The following WASF3 variants were observed in gnomAD, a reference collection of about 807,000 sequenced individuals.
WASF3 encodes the protein WASP family member 3, also known as actin-binding protein WASF3.
Under a neutral mutation model 46.6 loss-of-function variants are expected in WASF3, and 11 were observed. The ratio of observed to expected loss-of-function variants is 0.24; its 90% CI spans 0.15 to 0.39. The LOEUF (loss-of-function observed/expected upper bound fraction) is 0.39. Ranked by LOEUF, WASF3 falls within the 10% of genes least tolerant of loss-of-function variation. WASF3 has a pLI of 1.00. For synonymous variants in WASF3, 242 were observed against 259.7 expected (o/e 0.93, Z 0.65); for missense variants, 576 against 669.8 (o/e 0.86, Z 1.55).
At chr13:26,615,404 G>C (rs1881101585) in intron 2 of WASF3, among the ~76,000 whole-genome samples, 1 of 152,158 alleles carries the variant, frequency 6.6e-6, no homozygotes, top group South Asian at 2.1e-4. Context: ...TGACTCCCTG[G>C]TTCAAGCGAT....
chr13:26,660,878 C>A (rs1324354679), intron 3 of WASF3, among the ~76,000 whole-genome samples: 4 of 152,124 alleles, frequency 2.6e-5, no homozygotes, highest in Non-Finnish European at 5.9e-5. Flanking sequence ...CGAGCATCTG[C>A]TTCTGGTGAG....
chr13:26,660,366 C>A (rs1882595314), intron 3 of WASF3, among the ~76,000 whole-genome samples: 1 of 151,974 alleles, frequency 6.6e-6, no homozygotes, highest in Non-Finnish European at 1.5e-5. Flanking sequence ...CACCTGCAGG[C>A]TCTTGGCAGG....
At chr13:26,672,036 G>C in intron 6 of WASF3, 47 bp downstream of exon 6, 1 of 1,364,886 alleles carries the variant, frequency 7.3e-7, no homozygotes, top group Non-Finnish European at 1.0e-6. Flanking sequence ...GTTCAAAGGA[G>C]ATTCTTGTTT....
chr13:26,645,085 A>G (rs1882110650), intron 3 of WASF3, among the ~76,000 whole-genome samples: 1 of 152,224 alleles, frequency 6.6e-6, no homozygotes, highest in Non-Finnish European at 1.5e-5. Context: ...ACTGAGTGCA[A>G]TGAACTGAAT....
intron 1 of WASF3, among the ~76,000 whole-genome samples, chr13:26,611,746 C>T (rs1036777159): frequency 6.6e-6 from 1 of 151,934 alleles, no homozygotes; most frequent in African/African-American, 2.4e-5. Context: ...TACAGCTGCT[C>T]TGAAGGAAGA....
At chr13:26,674,708 T>C (rs1223038754) in intron 6 of WASF3, among the ~76,000 whole-genome samples, 1 of 152,220 alleles carries the variant, frequency 6.6e-6, no homozygotes, top group Non-Finnish European at 1.5e-5. Context: ...CTGTTGCTCT[T>C]ACAATACTGC....
At chr13:26,539,732 T>C in the WASF3 span, among the ~76,000 whole-genome samples, 1 of 152,236 alleles carries the variant, frequency 6.6e-6, no homozygotes, top group South Asian at 2.1e-4. Flanking sequence ...TCTTTCTGAA[T>C]CTGACCAGGT....
At chr13:26,683,778 A>C (rs1883317923) in intron 9 of WASF3, among the ~76,000 whole-genome samples, 1 of 152,112 alleles carries the variant, frequency 6.6e-6, no homozygotes, top group African/African-American at 2.4e-5. Flanking sequence ...CACAAAACAC[A>C]TGGAAACAGA....
intron 1 of WASF3, among the ~76,000 whole-genome samples, chr13:26,578,042 TGTG>T (rs1338055112): frequency 6.6e-6 from 1 of 152,240 alleles, no homozygotes; most frequent in Admixed American, 6.5e-5. Flanking sequence ...GATCATAAAA[TGTG>T]GTAATCATGA....
At chr13:26,570,131 C>CA (rs1203296206) in intron 1 of WASF3, among the ~76,000 whole-genome samples, 1 of 151,938 alleles carries the variant, frequency 6.6e-6, no homozygotes, top group African/African-American at 2.4e-5. Flanking sequence ...ACTAAAATTA[C>CA]AAAAAAATTA....
chr13:26,675,997 G>A (rs138994593), intron 6 of WASF3, among the ~76,000 whole-genome samples: 55 of 152,302 alleles, frequency 3.6e-4, no homozygotes, highest in African/African-American at 1.2e-3. Context: ...TGGCCAAGTA[G>A]GGCTAGAGGA....
intron 1 of WASF3, among the ~76,000 whole-genome samples, chr13:26,582,367 G>T (rs1324602117): frequency 6.6e-6 from 1 of 151,850 alleles, no homozygotes; most frequent in East Asian, 1.9e-4. Context: ...TGTGATCCTT[G>T]ATTTCCTAAT....
chr13:26,606,216 A>G (rs1880791038), intron 1 of WASF3, among the ~76,000 whole-genome samples: 1 of 152,208 alleles, frequency 6.6e-6, no homozygotes, highest in Non-Finnish European at 1.5e-5. Context: ...AGTTTTCTGT[A>G]GCCTCACAGG....
rs767613848 is a variant in WASF3 at position 26,673,507 on chromosome 13, C to T, written c.540+1518C>T. ...AGGCCTTAAATAATCATGCAGCCCT[C>T]GGAAATGCAGAAAGAGGGAGAGAAG... On this transcript the variant is annotated intron_variant, in intron 6 of 9. Coordinates refer to ENST00000335327, the MANE Select transcript of WASF3 (RefSeq NM_006646.6). Among the ~76,000 whole-genome samples the T allele has an allele frequency of 1.5e-4, 23 of 152,056 alleles. 1 individual carries two copies. The highest frequency in any genetic ancestry group is 1.3e-4 in the Non-Finnish European group (9 of 68,030).
At chr13:26,627,910 AATAAAAT>A (rs1881521528) in intron 2 of WASF3, among the ~76,000 whole-genome samples, 1 of 150,062 alleles carries the variant, frequency 6.7e-6, no homozygotes, top group African/African-American at 2.5e-5. Context: ...AAACCCTAAA[AATAAAAT>A]AAAATAAAAT....
chr13:26,635,995 C>T (rs888795084), intron 2 of WASF3, among the ~76,000 whole-genome samples: 3 of 152,228 alleles, frequency 2.0e-5, no homozygotes, highest in Admixed American at 6.5e-5. Flanking sequence ...GCAGTCTGTC[C>T]GTTCTCAGAG....
Position 26,678,524 on chromosome 13 carries a change from G to A in WASF3, c.716+1800G>A, listed in dbSNP as rs777750693. Among the ~76,000 whole-genome samples the A allele has an allele frequency of 4.7e-4, 71 of 151,040 alleles. 1 individual carries two copies. The highest frequency in any genetic ancestry group is 7.3e-4 in the Admixed American group (11 of 15,148). On this transcript the variant is annotated intron_variant, in intron 7 of 9. Coordinates refer to ENST00000335327, the MANE Select transcript of WASF3 (RefSeq NM_006646.6). The stretch of plus-strand genomic sequence containing the variant: ...TATCCCATGTTTTAGGTATTATTTC[G>A]CAACATGATTTTTAATGATTGTATC...
At chr13:26,614,972 C>T (rs534149323) in intron 2 of WASF3, among the ~76,000 whole-genome samples, 1 of 151,890 alleles carries the variant, frequency 6.6e-6, no homozygotes, top group East Asian at 2.0e-4. Flanking sequence ...AGGTGGCACA[C>T]TCTGATTAGC....
chr13:26,601,876 A>G (rs1315679717), intron 1 of WASF3, among the ~76,000 whole-genome samples: 1 of 152,220 alleles, frequency 6.6e-6, no homozygotes, highest in Non-Finnish European at 1.5e-5. Context: ...AAATGCAAAG[A>G]TATCATCACT....
Sources: allele counts gnomAD v4.1 joint callset (sites outside exome capture counted in the v4.1 genomes callset), GRCh38; gene constraint gnomAD v4.1.1; transcripts MANE v1.5; gene names NCBI Gene and HGNC (gene_info 2026-07-23, HGNC 2026-07-21).